The following KHDRBS2 variants were observed in gnomAD, a reference collection of about 807,000 sequenced individuals.
KHDRBS2 encodes KH domain-containing, RNA-binding, signal transduction-associated protein 2.
In KHDRBS2, 26 loss-of-function variants were observed where a neutral mutation model predicts 44.3. That is an observed-to-expected ratio of 0.59 (90% CI 0.43 to 0.81). The LOEUF is 0.81. Ranked by LOEUF, KHDRBS2 falls within the 40% of genes least tolerant of loss-of-function variation. The pLI is 0.00. For missense variants in KHDRBS2, 476 were observed against 433.1 expected, an observed-to-expected ratio of 1.10 and a Z score of -0.88; for synonymous variants, 194 against 151.1, an observed-to-expected ratio of 1.28 and a Z score of -2.08.
intron 6 of KHDRBS2, among the ~76,000 whole-genome samples, chr6:61,848,511 G>GTATATATACATA (rs1178845054): frequency 3.3e-5 from 1 of 30,074 alleles, no homozygotes; most frequent in Non-Finnish European, 5.9e-5. Context: ...ATATATATAT[G>GTATATATACATA]TATATATGTA....
intron 1 of KHDRBS2, among the ~76,000 whole-genome samples, chr6:62,200,568 TAA>T (rs1050721120): frequency 1.3e-5 from 2 of 152,128 alleles, no homozygotes; most frequent in African/African-American, 4.8e-5. Flanking sequence ...TGGCGATCAT[TAA>T]AAAGTCAGGA....
intron 7 of KHDRBS2, among the ~76,000 whole-genome samples, chr6:61,725,810 C>T (rs1177388963): frequency 6.6e-6 from 1 of 151,958 alleles, no homozygotes; most frequent in Non-Finnish European, 1.5e-5. Flanking sequence ...AAATAGCCCA[C>T]CAACCAAAAA....
chr6:61,580,636 C>A, the KHDRBS2 span, among the ~76,000 whole-genome samples: 1 of 151,970 alleles, frequency 6.6e-6, no homozygotes. Context: ...CCCACTGGGA[C>A]AAACAAACAA....
At chr6:62,214,263 C>A (rs900725256) in intron 1 of KHDRBS2, among the ~76,000 whole-genome samples, 3 of 152,054 alleles carry the variant, frequency 2.0e-5, no homozygotes, top group East Asian at 3.9e-4. Context: ...TTATATCATT[C>A]TTCCATATAC....
chr6:62,169,751 G>C (rs1562993560), intron 2 of KHDRBS2, among the ~76,000 whole-genome samples: 1 of 152,040 alleles, frequency 6.6e-6, no homozygotes, highest in African/African-American at 2.4e-5. Flanking sequence ...AACTGAGGCA[G>C]AGAACTACCA....
chr6:62,024,106 T>C (rs1222533558), intron 3 of KHDRBS2, among the ~76,000 whole-genome samples: 1 of 151,286 alleles, frequency 6.6e-6, no homozygotes, highest in East Asian at 1.9e-4. Flanking sequence ...TCTTAATATC[T>C]TTCTCATAAA....
chr6:61,604,727 C>T, the KHDRBS2 span, among the ~76,000 whole-genome samples: 17 of 152,110 alleles, frequency 1.1e-4, no homozygotes, highest in South Asian at 8.3e-4. Context: ...CCAGGGCTGG[C>T]AAATTGACTT....
chr6:61,720,276 C>A (rs901445597), intron 7 of KHDRBS2, among the ~76,000 whole-genome samples: 1 of 152,108 alleles, frequency 6.6e-6, no homozygotes, highest in Non-Finnish European at 1.5e-5. Context: ...GATTTAGAGT[C>A]CTTTGGGTAT....
chr6:62,038,288 G>T (rs751092318), intron 3 of KHDRBS2, among the ~76,000 whole-genome samples: 1 of 151,370 alleles, frequency 6.6e-6, no homozygotes, highest in South Asian at 2.1e-4. Flanking sequence ...TAAACTCTGC[G>T]GTGTTGTTAT....
At chr6:61,716,634 T>C (rs1482783550) in intron 7 of KHDRBS2, among the ~76,000 whole-genome samples, 2 of 152,020 alleles carry the variant, frequency 1.3e-5, no homozygotes, top group Non-Finnish European at 2.9e-5. Flanking sequence ...ATAGGGCACA[T>C]ACATTCCAGT....
intron 3 of KHDRBS2, among the ~76,000 whole-genome samples, chr6:62,030,598 G>T (rs1185475765): frequency 6.6e-6 from 1 of 151,958 alleles, no homozygotes; most frequent in African/African-American, 2.4e-5. Flanking sequence ...GAATAATTAA[G>T]AAGAGTCTTT....
At chr6:61,731,154 T>C (rs1324605030) in intron 7 of KHDRBS2, among the ~76,000 whole-genome samples, 1 of 152,102 alleles carries the variant, frequency 6.6e-6, no homozygotes, top group East Asian at 1.9e-4. Flanking sequence ...TGTATAATGA[T>C]AAACTAACAA....
At chr6:61,733,201 G>T (rs919649812) in intron 6 of KHDRBS2, among the ~76,000 whole-genome samples, 1 of 151,912 alleles carries the variant, frequency 6.6e-6, no homozygotes, top group Non-Finnish European at 1.5e-5. Context: ...TCCTTAAACT[G>T]TAGTCAACTT....
chr6:61,565,390 T>G, the KHDRBS2 span, among the ~76,000 whole-genome samples: 1 of 151,914 alleles, frequency 6.6e-6, no homozygotes, highest in Non-Finnish European at 1.5e-5. Flanking sequence ...ACCTACAAAA[T>G]GACAGAAAAT....
At chr6:61,963,803 A>G (rs892559431) in intron 4 of KHDRBS2, among the ~76,000 whole-genome samples, 2 of 152,052 alleles carry the variant, frequency 1.3e-5, no homozygotes, top group African/African-American at 4.8e-5. Flanking sequence ...TGATAAATCC[A>G]AGTGAAAGGT....
chr6:61,966,945 A>C (rs746216273), intron 4 of KHDRBS2, among the ~76,000 whole-genome samples: 1 of 151,988 alleles, frequency 6.6e-6, no homozygotes, highest in Non-Finnish European at 1.5e-5. Context: ...AACTAAAAAC[A>C]TTCAGTCGAT....
chr6:61,779,181 G>T (rs1782556359), intron 6 of KHDRBS2, among the ~76,000 whole-genome samples: 1 of 151,966 alleles, frequency 6.6e-6, no homozygotes, highest in East Asian at 1.9e-4. Context: ...ATATATAAAT[G>T]TAGTATACCA....
At chr6:62,084,168 T>C (rs1185711030) in intron 2 of KHDRBS2, among the ~76,000 whole-genome samples, 1 of 152,176 alleles carries the variant, frequency 6.6e-6, no homozygotes, top group Non-Finnish European at 1.5e-5. Context: ...CTACCTTTGG[T>C]ATCTTTGTAT....
chr6:61,989,893 T>C (rs557833736), intron 3 of KHDRBS2, among the ~76,000 whole-genome samples: 1 of 152,292 alleles, frequency 6.6e-6, no homozygotes, highest in Non-Finnish European at 1.5e-5. Context: ...AGAAATCTGC[T>C]TTCCAAGTCT....
Sources: gnomAD v4.1 joint callset for allele counts (sites outside exome capture counted in the v4.1 genomes callset) on GRCh38, gnomAD v4.1.1 for gene constraint, MANE v1.5 for transcripts, NCBI Gene and HGNC (gene_info 2026-07-23, HGNC 2026-07-21) for gene names.